Variants in CETP observed in about 807,000 individuals in gnomAD.
CETP encodes the protein BPI fold containing family F.
Under a neutral mutation model 66.5 loss-of-function variants are expected in CETP, and 56 were observed. That is an observed-to-expected ratio of 0.84 (90% CI 0.68 to 1.05). The LOEUF is 1.05. Ranked by LOEUF, CETP falls within the 50% of genes least tolerant of loss-of-function variation. The pLI is 0.00. For synonymous variants in CETP, 251 were observed against 245.7 expected (o/e 1.02, Z -0.20); for missense variants, 612 against 609.6 (o/e 1.00, Z -0.04).
chr16:56,982,122 T>G, intron 13 of CETP, 43 bp from the exon 14 acceptor site: 1 of 1,585,620 alleles, frequency 6.3e-7, no homozygotes, highest in South Asian at 1.1e-5. Flanking sequence ...GTGGGTCACT[T>G]CTGTGCTCCA....
chr16:56,973,208 CTTTCCTCAG>C (rs1378472622), intron 8 of CETP, 114 bp from the exon 9 acceptor site: 7 of 1,030,730 alleles, frequency 6.8e-6, no homozygotes, highest in African/African-American at 6.3e-5. Flanking sequence ...GGGTACAGCT[CTTTCCTCAG>C]TTTCCCCATC....
At chr16:56,979,909 CT>C (rs2056176321) in intron 11 of CETP, among the ~76,000 whole-genome samples, 1 of 152,208 alleles carries the variant, frequency 6.6e-6, no homozygotes, top group Admixed American at 6.5e-5. Flanking sequence ...CCATAACCCC[CT>C]TCTCCAGGGG....
At chr16:56,967,513 G>T (rs1039802730) in intron 2 of CETP, among the ~76,000 whole-genome samples, 3 of 151,944 alleles carry the variant, frequency 2.0e-5, no homozygotes, top group African/African-American at 4.8e-5. Flanking sequence ...AAATTAGCTG[G>T]ATGTCGTGGC....
In CETP at chr16:56,971,035, C is replaced by T. The variant is rs1597000001; in HGVS notation, c.530C>T (p.Pro177Leu). 5.6e-6 allele frequency: 9 copies of T among 1,614,044 alleles called. No individual in the cohort carries two copies. The Admixed American group carries it at 8.3e-5, about 15-fold the overall frequency. The stretch of plus-strand genomic sequence containing the variant: ...ATTGTGGTGCTTGCTGCCTTCAGGC[C>T]TGGGTGGATCAAGCAGCTGTTCACA... The part of the protein sequence containing the change: ...LLLHLQGERE[P>L]GWIKQLFTNF... The change falls in exon 6 of 16, where the codon CCT becomes CTT. Residue 177 changes from proline (P) to leucine (L), a missense_variant and splice_region_variant. Coordinates refer to ENST00000200676, the MANE Select transcript of CETP (RefSeq NM_000078.3).
chr16:56,983,330 C>T lies in CETP; in HGVS notation c.1326C>T (p.Leu442=), dbSNP rs549930343. 1.5e-5 allele frequency: 25 copies of T among 1,614,020 alleles called. No individual in the cohort carries two copies. Among genetic ancestry groups the T allele is most frequent in the South Asian group, 5.5e-5 (5 of 91,088 alleles). Residue 442 remains leucine (L), a synonymous_variant, in exon 15 of 16, where the codon CTC becomes CTT. Coordinates refer to ENST00000200676, the MANE Select transcript of CETP (RefSeq NM_000078.3). ...GGGCTCTGTCCCCTGCCCCAGGGCT[C>T]GAGGTAGTGTTTACAGCCCTCATGA... The part of the protein sequence containing the change: ...AVGIPEVMSR[L]EVVFTALMNS...
chr16:56,971,255 G>A (rs1222765155), intron 6 of CETP, 66 bp from the exon 7 acceptor site: 1 of 1,579,126 alleles, frequency 6.3e-7, no homozygotes, highest in Non-Finnish European at 8.7e-7. Context: ...CCACCACGCA[G>A]CTGGAAGGAG....
chr16:56,971,249 C>A, intron 6 of CETP, 72 bp from the exon 7 acceptor site: 2 of 1,565,064 alleles, frequency 1.3e-6, no homozygotes, highest in South Asian at 1.1e-5. Context: ...CTGCCACCAC[C>A]ACGCAGCTGG....
rs764541173 is a variant in CETP, at chr16:56,969,556, G to A, written c.368+36G>A. The stretch of plus-strand genomic sequence containing the variant: ...CTGTCAGCTGATGCCCCATGCCCTG[G>A]CCCTCTCTGGGCTGGAGGGCTGAAT... On this transcript the variant is annotated intron_variant, in intron 3 of 15. Coordinates refer to ENST00000200676, the MANE Select transcript of CETP (RefSeq NM_000078.3). 5 of 1,614,082 alleles carry A rather than the reference G, an allele frequency of 3.1e-6. No individual in the cohort carries two copies. The East Asian group carries it at 8.9e-5, about 29-fold the overall frequency.
At chr16:56,975,214 A>G in intron 10 of CETP, 63 bp downstream of exon 10, 1 of 1,451,730 alleles carries the variant, frequency 6.9e-7, no homozygotes. Context: ...TCTGGCTTCA[A>G]GAGCCCCCAC....
At position 56,962,048 on chromosome 16, in the gene CETP, G is replaced by A. The variant is rs753665779; in HGVS notation, c.69G>A (p.Ser23=). 6.2e-6 allele frequency: 10 copies of A among 1,614,014 alleles called. No individual in the cohort carries two copies. Among genetic ancestry groups the A allele is most frequent in the East Asian group, 2.2e-5 (1 of 44,898 alleles). ...GNAHACSKGT[S]HEAGIVCRIT... The stretch of plus-strand genomic sequence containing the variant: ...CCCATGCCTGCTCCAAAGGCACCTC[G>A]CACGAGGCAGGCATCGTGTGCCGCA... The change falls in exon 1 of 16, where the codon TCG becomes TCA. Residue 23 remains serine, a synonymous_variant. Transcript: ENST00000200676.
At chr16:56,983,114 G>A (rs2056200356) in intron 14 of CETP, among the ~76,000 whole-genome samples, 4 of 152,090 alleles carry the variant, frequency 2.6e-5, no homozygotes, top group Admixed American at 1.3e-4. Context: ...AATTTTTTTT[G>A]GCAGCAGAGT....
chr16:56,971,486 C>G, intron 7 of CETP, 105 bp downstream of exon 7: 1 of 1,002,568 alleles, frequency 1.0e-6, no homozygotes, highest in Non-Finnish European at 1.6e-6. Flanking sequence ...TGTCTAGGTC[C>G]CATGGGCTCT....
At position 56,981,253 on chromosome 16, in the gene CETP, G is replaced by A. The variant is rs534277350; in HGVS notation, c.1214+28G>A. 165 of 1,561,404 alleles carry A rather than the reference G, an allele frequency of 1.1e-4. 1 individual carries two copies. The South Asian group carries it at 1.4e-3, about 13-fold the overall frequency. On this transcript the variant is annotated intron_variant, in intron 12 of 15. Transcript: ENST00000200676. ...ATGTGCTGCAGAGAAGAGAGGGGGC[G>A]GTCAACTCCGCAAACCTCTCCCTGG...
rs781348259 is a variant in CETP, at chr16:56,978,179, T to G, written c.1070T>G (p.Val357Gly). ...KISCQNKGVV[V>G]NSSVMVKFLF... ...TCCTGCCAAAACAAGGGAGTCGTGG[T>G]CAATTCTTCAGTGATGGTGAAATTC... is the stretch of plus-strand genomic sequence containing the variant. Residue 357 changes from valine (V) to glycine (G), a missense_variant, in exon 11 of 16, where the codon GTC becomes GGC. Physicochemically the swap from Val to Gly is moderately radical, Grantham distance 109 (BLOSUM62 -3). Coordinates refer to ENST00000200676, the MANE Select transcript of CETP (RefSeq NM_000078.3). 6.2e-7 allele frequency: 1 copy of G among 1,614,226 alleles called. No individual in the cohort carries two copies. Among genetic ancestry groups the G allele is most frequent in the South Asian group, 1.1e-5 (1 of 91,086 alleles).
In CETP at chr16:56,969,924, T is replaced by C. The variant is rs772644949; in HGVS notation, c.450T>C (p.Ser150=). The C allele has an allele frequency of 1.6e-5, 26 of 1,614,026 alleles. No homozygotes were observed. Among genetic ancestry groups the C allele is most frequent in the Middle Eastern group, 3.3e-4 (2 of 6,084 alleles). ...LQINTQLTCD[S]GRVRTDAPDC... The stretch of plus-strand genomic sequence containing the variant: ...CGGGTCTCCCTGCAGCCTGTGACTC[T>C]GGTAGAGTGCGGACCGATGCCCCTG... Residue 150 remains serine, a synonymous_variant, in exon 5 of 16, where the codon TCT becomes TCC. Transcript: ENST00000200676.
In CETP at chr16:56,983,742, C is replaced by T; in HGVS notation, c.*76C>T. 3 of 1,383,534 alleles carry T rather than the reference C, an allele frequency of 2.2e-6. No individual in the cohort carries two copies. Among genetic ancestry groups the T allele is most frequent in the East Asian group, 2.3e-5 (1 of 43,810 alleles). 85.7% of individuals were successfully genotyped at this position (1,383,534 alleles called of 1,614,324 possible). On this transcript the variant is annotated 3_prime_UTR_variant, in exon 16 of 16. Transcript: ENST00000200676. ...GCTCACAGCTGGAACCCTGGTGTCT[C>T]CTCCAGCGTGGTGGAAGTTGGGTTA...
At chr16:56,969,192 A>G (rs1417662745) in intron 2 of CETP, among the ~76,000 whole-genome samples, 194 bp from the exon 3 acceptor site, 6 of 151,978 alleles carry the variant, frequency 3.9e-5, no homozygotes, top group African/African-American at 1.5e-4. Flanking sequence ...ATACTTTCAT[A>G]TGGGTAACAC....
intron 14 of CETP, 114 bp downstream of exon 14, chr16:56,982,351 C>T (rs770666973): frequency 3.1e-5 from 31 of 999,230 alleles, no homozygotes; most frequent in Admixed American, 5.4e-5. Context: ...GTCATTGATA[C>T]TTAGCGGTCC....
At chr16:56,982,405 A>T (rs12720885) in intron 14 of CETP, among the ~76,000 whole-genome samples, 168 bp downstream of exon 14, 1 of 151,980 alleles carries the variant, frequency 6.6e-6, no homozygotes, top group Non-Finnish European at 1.5e-5. Context: ...CACGCCAATG[A>T]CTCGGCCAGA....
Sources: gnomAD v4.1 joint callset for allele counts (sites outside exome capture counted in the v4.1 genomes callset) on GRCh38, gnomAD v4.1.1 for gene constraint, MANE v1.5 for transcripts, NCBI Gene and HGNC (gene_info 2026-07-23, HGNC 2026-07-21) for gene names.